PHEX: variants seen among roughly 807,000 people sequenced by gnomAD.
PHEX encodes phosphate-regulating neutral endopeptidase PHEX.
Under a neutral mutation model 68.0 loss-of-function variants are expected in PHEX, and 16 were observed. That is an observed-to-expected ratio of 0.24 (90% confidence interval 0.16 to 0.36). The LOEUF is 0.36. PHEX is among the 10% of genes least tolerant of loss of function. The pLI, the probability that PHEX is intolerant of heterozygous loss-of-function variation, is 1.00. For synonymous variants in PHEX, 208 were observed against 205.1 expected, an observed-to-expected ratio of 1.01 and a Z score of -0.12; for missense variants, 480 against 575.5, an observed-to-expected ratio of 0.83 and a Z score of 1.70.
At position 22,098,112 on chromosome X, in the gene PHEX, T is replaced by TA. The variant is rs766636965; in HGVS notation, c.934-889dup. ...TCTTGTGTTTTTTTTTTTTTTTTTTTAAAAACTGTGTCACAGAGACAAATT... is the reference window on the plus strand; with the variant it reads ...TCTTGTGTTTTTTTTTTTTTTTTTTTAAAAAACTGTGTCACAGAGACAAATT... On this transcript the variant is annotated intron_variant, in intron 8 of 21. Coordinates refer to ENST00000379374, the MANE Select transcript of PHEX (RefSeq NM_000444.6). 185 of 104,831 alleles carry TA rather than the reference T, an allele frequency of 1.8e-3. 2 individuals are homozygous for TA. The highest frequency in any genetic ancestry group is 6.5e-3 in the African/African-American group (169 of 25,887). 8.6% of individuals were successfully genotyped at this position (104,831 alleles called of 1,213,427 possible).
intron 3 of PHEX, among the ~76,000 whole-genome samples, chrX:22,052,711 T>G (rs1270108797): frequency 9.0e-6 from 1 of 111,129 alleles, no homozygotes; most frequent in African/African-American, 3.3e-5. Flanking sequence ...AGTTCAGTTT[T>G]CTTATCTTTA....
intron 3 of PHEX, among the ~76,000 whole-genome samples, chrX:22,054,847 G>A (rs1320173311): frequency 9.1e-6 from 1 of 109,946 alleles, no homozygotes; most frequent in Non-Finnish European, 1.9e-5. Context: ...GTAGGTGTGC[G>A]TGCTGCATGG....
intron 15 of PHEX, among the ~76,000 whole-genome samples, chrX:22,195,431 C>T (rs5904618): frequency 0.13 from 13,800 of 108,574 alleles, 2,210 homozygotes; most frequent in African/African-American, 0.44. Context: ...TCATCTCTAC[C>T]AAAAATATAA....
At chrX:22,198,315 C>T (rs66498669) in intron 15 of PHEX, among the ~76,000 whole-genome samples, 3,143 of 106,313 alleles carry the variant, frequency 0.03, 109 homozygotes, top group African/African-American at 0.1. Flanking sequence ...TAGTAGGCAC[C>T]CAATAAACAT....
intron 5 of PHEX, among the ~76,000 whole-genome samples, chrX:22,083,677 T>A (rs1487684580): frequency 8.9e-6 from 1 of 112,298 alleles, no homozygotes; most frequent in Non-Finnish European, 1.9e-5. Context: ...ACAATGCTGT[T>A]GATTTTGTAT....
chrX:22,160,453 G>A (rs2147110893), intron 12 of PHEX, among the ~76,000 whole-genome samples: 1 of 109,736 alleles, frequency 9.1e-6, no homozygotes, highest in African/African-American at 3.3e-5. Flanking sequence ...GGACGCTGAG[G>A]CAGGAGAATC....
At chrX:22,104,522 T>C (rs747276953) in intron 9 of PHEX, among the ~76,000 whole-genome samples, 1 of 111,908 alleles carries the variant, frequency 8.9e-6, no homozygotes, top group East Asian at 2.8e-4. Context: ...TGTTCGGTGA[T>C]CTCATGTTGA....
intron 12 of PHEX, among the ~76,000 whole-genome samples, chrX:22,150,430 T>C (rs1188940236): frequency 8.9e-6 from 1 of 111,767 alleles, no homozygotes; most frequent in African/African-American, 3.3e-5. Context: ...AGTAAATATA[T>C]TGGGCTTTGC....
intron 5 of PHEX, among the ~76,000 whole-genome samples, chrX:22,077,990 G>A (rs957607094): frequency 1.8e-5 from 2 of 111,808 alleles, no homozygotes; most frequent in African/African-American, 6.5e-5. Flanking sequence ...ATTCCAGTGG[G>A]AAGGGGACTG....
In PHEX at chrX:22,124,121, A is replaced by G. The variant is rs137889666; in HGVS notation, c.1303-9402A>G. On this transcript the variant is annotated intron_variant, in intron 11 of 21. Coordinates refer to ENST00000379374, the MANE Select transcript of PHEX (RefSeq NM_000444.6). ...GCTGGGATTACAGGCATGAGCCACC[A>G]TGCCCGGCCATGTAATTTCTAGAAT... Among the ~76,000 whole-genome samples, 733 of 111,236 alleles carry G rather than the reference A, an allele frequency of 6.6e-3. 7 individuals are homozygous for G. Among genetic ancestry groups the G allele is most frequent in the African/African-American group, 0.023 (689 of 30,614 alleles).
chrX:22,244,570 C>G (rs977389770), intron 20 of PHEX, among the ~76,000 whole-genome samples: 1 of 111,242 alleles, frequency 9.0e-6, no homozygotes, highest in African/African-American at 3.3e-5. Flanking sequence ...CCATTGCACT[C>G]CAGCCTGGGT....
At chrX:22,058,133 A>G (rs932504863) in intron 3 of PHEX, among the ~76,000 whole-genome samples, 1 of 111,310 alleles carries the variant, frequency 9.0e-6, no homozygotes, top group Non-Finnish European at 1.9e-5. Flanking sequence ...GATCTGATGC[A>G]AGTTACAGAC....
At chrX:22,048,861 G>A (rs184220269) in intron 3 of PHEX, among the ~76,000 whole-genome samples, 3 of 111,621 alleles carry the variant, frequency 2.7e-5, no homozygotes, top group Non-Finnish European at 3.8e-5. Flanking sequence ...AAGAAAGGTC[G>A]CTCATAAATC....
At chrX:22,154,575 T>A (rs1372683589) in intron 12 of PHEX, among the ~76,000 whole-genome samples, 2 of 111,546 alleles carry the variant, frequency 1.8e-5, no homozygotes, top group Non-Finnish European at 3.8e-5. Flanking sequence ...CTGCTAAATA[T>A]CCTACAATCC....
intron 11 of PHEX, among the ~76,000 whole-genome samples, chrX:22,115,612 C>T (rs922815134): frequency 1.2e-4 from 13 of 111,917 alleles, no homozygotes; most frequent in Admixed American, 9.5e-5. Flanking sequence ...GCCCCCAGCC[C>T]CTGGCAACTA....
chrX:22,044,508 G>A (rs1927423305), intron 2 of PHEX, among the ~76,000 whole-genome samples: 1 of 110,411 alleles, frequency 9.1e-6, no homozygotes, highest in Non-Finnish European at 1.9e-5. Flanking sequence ...TCAGGAGATC[G>A]AGACCATCCT....
At chrX:22,200,267 A>G (rs1038356617) in intron 15 of PHEX, among the ~76,000 whole-genome samples, 2 of 112,383 alleles carry the variant, frequency 1.8e-5, no homozygotes, top group Admixed American at 1.9e-4. Context: ...CATCCTGTTT[A>G]TCGTCACACT....
chrX:22,151,052 C>T (rs1932847086), intron 12 of PHEX, among the ~76,000 whole-genome samples: 1 of 111,968 alleles, frequency 8.9e-6, no homozygotes, highest in Admixed American at 9.4e-5. Flanking sequence ...TACAACTCAT[C>T]TCTGGTGTTT....
intron 13 of PHEX, among the ~76,000 whole-genome samples, chrX:22,169,463 C>T (rs1386250028): frequency 8.9e-6 from 1 of 112,191 alleles, no homozygotes; most frequent in Non-Finnish European, 1.9e-5. Context: ...TTCAGTGATT[C>T]TGTGAAATAG....
Sources: gnomAD v4.1 joint callset for allele counts (sites outside exome capture counted in the v4.1 genomes callset) on GRCh38, gnomAD v4.1.1 for gene constraint, MANE v1.5 for transcripts, NCBI Gene and HGNC (gene_info 2026-07-23, HGNC 2026-07-21) for gene names.